The following TUSC3 variants were observed in gnomAD, a reference collection of about 807,000 sequenced individuals.
The protein encoded by TUSC3 is tumor suppressor candidate 3.
Under a neutral mutation model 44.8 loss-of-function variants are expected in TUSC3, and 45 were observed. That is an observed-to-expected ratio of 1.00 (90% CI 0.79 to 1.29). TUSC3 has a LOEUF of 1.29. TUSC3 is among the 50% of genes most tolerant of loss of function. The pLI is 0.00. For synonymous variants in TUSC3, 212 were observed against 152.9 expected, an observed-to-expected ratio of 1.39 and a Z score of -2.85; for missense variants, 519 against 437.9, an observed-to-expected ratio of 1.19 and a Z score of -1.65.
At position 15,663,261 on chromosome 8, in the gene TUSC3, T is replaced by C. The variant is rs77133386; in HGVS notation, c.708+965T>C. Reference sequence around the variant, plus strand: ...TATACATATATCTAGATAAATACATTATATATCTGTATATCTTATAGATAA... The same window carrying C: ...TATACATATATCTAGATAAATACATCATATATCTGTATATCTTATAGATAA... On this transcript the variant is annotated intron_variant, in intron 5 of 10. Coordinates refer to ENST00000503731, the MANE Select transcript of TUSC3 (RefSeq NM_006765.4). Among the ~76,000 whole-genome samples, 628 of 151,756 alleles carry C rather than the reference T, an allele frequency of 4.1e-3. 5 individuals are homozygous for C. The highest frequency in any genetic ancestry group is 0.014 in the African/African-American group (598 of 41,476).
At chr8:15,779,476 G>A in the TUSC3 span, among the ~76,000 whole-genome samples, 2 of 152,052 alleles carry the variant, frequency 1.3e-5, no homozygotes, top group African/African-American at 2.4e-5. Context: ...AGCTGAAGGA[G>A]TATTGACACC....
chr8:15,515,406 G>A (rs946575016), intron 2 of TUSC3, among the ~76,000 whole-genome samples: 5 of 152,094 alleles, frequency 3.3e-5, no homozygotes, highest in Admixed American at 6.6e-5. Flanking sequence ...AAGATTCCCT[G>A]ATAATCTAGC....
the TUSC3 span, among the ~76,000 whole-genome samples, chr8:15,834,728 G>C: frequency 6.6e-6 from 1 of 151,784 alleles, no homozygotes; most frequent in Non-Finnish European, 1.5e-5. Context: ...CTGTTTTTCT[G>C]GTAATTTATT....
chr8:15,474,167 T>G (rs1221662408), intron 1 of TUSC3, among the ~76,000 whole-genome samples: 2 of 152,216 alleles, frequency 1.3e-5, no homozygotes, highest in Non-Finnish European at 2.9e-5. Flanking sequence ...TGGCTCTGTT[T>G]TGCCCGACCT....
intron 1 of TUSC3, among the ~76,000 whole-genome samples, chr8:15,588,495 C>G (rs1159941040): frequency 1.3e-5 from 2 of 152,118 alleles, no homozygotes; most frequent in African/African-American, 4.8e-5. Context: ...AGTATTTTCT[C>G]CCATTCTATG....
intron 2 of TUSC3, among the ~76,000 whole-genome samples, chr8:15,631,265 C>T (rs4623427): frequency 0.27 from 40,571 of 152,032 alleles, 6,101 homozygotes; most frequent in Non-Finnish European, 0.34. Context: ...AGGCATATGA[C>T]GTAACTTTAG....
chr8:15,445,161 G>A (rs977063771), intron 1 of TUSC3, among the ~76,000 whole-genome samples: 2 of 152,148 alleles, frequency 1.3e-5, no homozygotes, highest in South Asian at 2.1e-4. Context: ...TTCAATGACC[G>A]TGGGTCTGGA....
intron 6 of TUSC3, among the ~76,000 whole-genome samples, chr8:15,718,755 A>G (rs142281853): frequency 2.3e-4 from 35 of 152,070 alleles, no homozygotes; most frequent in African/African-American, 8.0e-4. Context: ...TCCTCAGTTG[A>G]ACTTAAATGG....
the TUSC3 span, among the ~76,000 whole-genome samples, chr8:15,805,035 A>C: frequency 3.3e-5 from 5 of 152,114 alleles, no homozygotes; most frequent in African/African-American, 1.2e-4. Flanking sequence ...TCTTGCAGAA[A>C]TCTTTCACTT....
chr8:15,823,624 TATAAA>T, the TUSC3 span, among the ~76,000 whole-genome samples: 2 of 152,148 alleles, frequency 1.3e-5, no homozygotes, highest in Admixed American at 1.3e-4. Flanking sequence ...ATATCTAGAG[TATAAA>T]ATAAGTCTTT....
intron 1 of TUSC3, among the ~76,000 whole-genome samples, chr8:15,423,802 C>A (rs1189703764): frequency 6.6e-6 from 1 of 151,926 alleles, no homozygotes; most frequent in African/African-American, 2.4e-5. Flanking sequence ...ATCCATAAAC[C>A]TGTCTCGCTG....
At chr8:15,848,857 G>A in the TUSC3 span, among the ~76,000 whole-genome samples, 1 of 152,156 alleles carries the variant, frequency 6.6e-6, no homozygotes, top group Non-Finnish European at 1.5e-5. Context: ...TGATTTCTCA[G>A]GTGCTTCCTC....
intron 6 of TUSC3, among the ~76,000 whole-genome samples, chr8:15,699,944 G>GAGTAACCTTGCTGACTTGCTGACTTGCT (rs1809325919): frequency 6.6e-6 from 1 of 152,036 alleles, no homozygotes; most frequent in South Asian, 2.1e-4. Context: ...TTTATAAACG[G>GAGTAACCTTGCTGACTTGCTGACTTGCT]GACTTGAGTC....
chr8:15,837,732 T>A, the TUSC3 span, among the ~76,000 whole-genome samples: 1 of 152,326 alleles, frequency 6.6e-6, no homozygotes, highest in South Asian at 2.1e-4. Context: ...ATTTTTTTAA[T>A]TCATGGAAGG....
chr8:15,830,385 TA>T, the TUSC3 span, among the ~76,000 whole-genome samples: 2 of 152,194 alleles, frequency 1.3e-5, no homozygotes, highest in East Asian at 3.9e-4. Context: ...GAGGATTTCC[TA>T]GGTTTTCTTC....
chr8:15,577,298 C>G (rs1021117224), intron 1 of TUSC3, among the ~76,000 whole-genome samples: 4 of 151,648 alleles, frequency 2.6e-5, no homozygotes, highest in Non-Finnish European at 4.4e-5. Flanking sequence ...TTTTGCTGTG[C>G]AGAAGCTCTT....
chr8:15,636,786 A>G (rs980714458), intron 2 of TUSC3, among the ~76,000 whole-genome samples: 4 of 152,174 alleles, frequency 2.6e-5, no homozygotes, highest in African/African-American at 7.2e-5. Flanking sequence ...TTCAGTGCCT[A>G]AAGAGTTCAT....
At chr8:15,795,556 C>G in the TUSC3 span, among the ~76,000 whole-genome samples, 1 of 152,198 alleles carries the variant, frequency 6.6e-6, no homozygotes, top group African/African-American at 2.4e-5. Context: ...TTGAGGTCAT[C>G]TGTGAACTTT....
At chr8:15,646,862 G>C (rs1806656105) in intron 2 of TUSC3, among the ~76,000 whole-genome samples, 1 of 151,972 alleles carries the variant, frequency 6.6e-6, no homozygotes, top group South Asian at 2.1e-4. Flanking sequence ...TTACATTCTT[G>C]TTATGATAGG....
Sources: gnomAD v4.1 joint callset for allele counts (sites outside exome capture counted in the v4.1 genomes callset) on GRCh38, gnomAD v4.1.1 for gene constraint, MANE v1.5 for transcripts, NCBI Gene and HGNC (gene_info 2026-07-23, HGNC 2026-07-21) for gene names.